ESRRG: variants seen among roughly 807,000 people sequenced by gnomAD.
The protein encoded by ESRRG is estrogen-related receptor gamma.
A neutral mutation model predicts 44.0 loss-of-function variants in ESRRG; 13 were observed. The ratio of observed to expected loss-of-function variants is 0.30; its 90% CI spans 0.19 to 0.47. ESRRG has a LOEUF of 0.47. Among genes scored for constraint, ESRRG ranks in the 20% least tolerant of loss-of-function variants. The pLI is 1.00. For synonymous variants in ESRRG, 215 were observed against 214.6 expected, an observed-to-expected ratio of 1.00 and a Z score of -0.02; for missense variants, 395 against 580.6, an observed-to-expected ratio of 0.68 and a Z score of 3.29.
intron 3 of ESRRG, among the ~76,000 whole-genome samples, chr1:216,610,165 C>T (rs1444197191): frequency 1.3e-5 from 2 of 150,226 alleles, no homozygotes; most frequent in Admixed American, 1.3e-4. Context: ...CTTTAAAAAA[C>T]ATTAGGTGAC....
intron 2 of ESRRG, among the ~76,000 whole-genome samples, chr1:216,786,088 G>C (rs2094118970): frequency 6.6e-6 from 1 of 152,024 alleles, no homozygotes; most frequent in Non-Finnish European, 1.5e-5. Context: ...TGTCTGGTGT[G>C]CTATTTCTTT....
chr1:216,702,459 A>G (rs1355770361), intron 1 of ESRRG, among the ~76,000 whole-genome samples: 2 of 152,028 alleles, frequency 1.3e-5, no homozygotes, highest in Non-Finnish European at 2.9e-5. Flanking sequence ...AGGATAAAGT[A>G]AGTTATTAGA....
chr1:217,021,016 G>A (rs1043979173), intron 1 of ESRRG, among the ~76,000 whole-genome samples: 1 of 148,476 alleles, frequency 6.7e-6, no homozygotes, highest in Non-Finnish European at 1.5e-5. Context: ...TTCATACTAG[G>A]AGAACCCCCC....
At chr1:216,527,739 C>A (rs1338204074) in intron 5 of ESRRG, among the ~76,000 whole-genome samples, 1 of 152,122 alleles carries the variant, frequency 6.6e-6, no homozygotes, top group East Asian at 1.9e-4. Context: ...CACTTCTTTC[C>A]ATTCTCATTG....
chr1:216,641,144 AG>A (rs1352214093), intron 3 of ESRRG, among the ~76,000 whole-genome samples: 1 of 152,228 alleles, frequency 6.6e-6, no homozygotes, highest in Non-Finnish European at 1.5e-5. Flanking sequence ...AGAAAGCTAA[AG>A]GAACTGTTTC....
intron 1 of ESRRG, chr1:217,000,561 T>G (rs548399376): frequency 6.6e-6 from 1 of 152,216 alleles, no homozygotes; most frequent in Non-Finnish European, 1.5e-5. Context: ...TTGTAAGGTA[T>G]AGGGAGGTGG....
chr1:217,115,563 C>T (rs2092714488), intron 1 of ESRRG, among the ~76,000 whole-genome samples: 2 of 152,076 alleles, frequency 1.3e-5, no homozygotes, highest in Non-Finnish European at 2.9e-5. Flanking sequence ...CAGGCATGCT[C>T]CTCCATTAGT....
At chr1:216,824,915 T>C (rs1362256331) in intron 2 of ESRRG, among the ~76,000 whole-genome samples, 1 of 152,230 alleles carries the variant, frequency 6.6e-6, no homozygotes, top group Non-Finnish European at 1.5e-5. Flanking sequence ...AACAATGTTT[T>C]AAAAACATAT....
At chr1:217,039,151 T>C (rs1297676733) in intron 1 of ESRRG, among the ~76,000 whole-genome samples, 1 of 152,186 alleles carries the variant, frequency 6.6e-6, no homozygotes, top group Non-Finnish European at 1.5e-5. Flanking sequence ...AGCATTTTTG[T>C]CAAAACCATT....
At chr1:217,110,701 T>A (rs556060317) in intron 1 of ESRRG, among the ~76,000 whole-genome samples, 1 of 152,066 alleles carries the variant, frequency 6.6e-6, no homozygotes. Flanking sequence ...TCACTCACTA[T>A]CATAGGATAG....
chr1:216,920,578 T>C (rs11572506), intron 2 of ESRRG, among the ~76,000 whole-genome samples: 8,446 of 152,300 alleles, frequency 0.055, 285 homozygotes, highest in Middle Eastern at 0.11. Flanking sequence ...TTGTTACTGA[T>C]GTACAAAGAA....
intron 2 of ESRRG, among the ~76,000 whole-genome samples, chr1:216,929,795 A>T (rs1440614584): frequency 2.0e-5 from 3 of 151,754 alleles, no homozygotes; most frequent in Non-Finnish European, 4.4e-5. Context: ...ATTGGACCAG[A>T]CCCCCCAGGT....
intron 1 of ESRRG, among the ~76,000 whole-genome samples, chr1:217,054,284 G>A (rs1414273356): frequency 6.6e-6 from 1 of 152,150 alleles, no homozygotes; most frequent in African/African-American, 2.4e-5. Context: ...TTCTTCTAAA[G>A]GTCATACTGG....
Position 217,020,400 on chromosome 1 carries a change from C to A in ESRRG, c.-106+69107G>T, listed in dbSNP as rs576246402. 3.9e-5 allele frequency among the ~76,000 whole-genome samples: 6 copies of A among 152,212 alleles called. No homozygotes were observed. In the South Asian group the frequency reaches 1.2e-3, roughly 32 times the overall value. On this transcript the variant is annotated intron_variant, in intron 1 of 7. Coordinates refer to the ESRRG transcript ENST00000359162. Reference sequence around the variant, plus strand: ...GCTTAACTGTAGGGATTATCTACCACAACATTTTACAATGAAGAAACTGAG... The same window carrying A: ...GCTTAACTGTAGGGATTATCTACCAAAACATTTTACAATGAAGAAACTGAG...
chr1:216,694,720 C>T (rs2079781712), intron 1 of ESRRG, among the ~76,000 whole-genome samples: 1 of 151,924 alleles, frequency 6.6e-6, no homozygotes, highest in African/African-American at 2.4e-5. Context: ...CCACACCTGG[C>T]TAATTTTTCT....
At chr1:216,667,425 C>T (rs1024637637) in intron 2 of ESRRG, among the ~76,000 whole-genome samples, 1 of 152,002 alleles carries the variant, frequency 6.6e-6, no homozygotes, top group African/African-American at 2.4e-5. Flanking sequence ...GTGGCTCATG[C>T]CTGTAATCCC....
chr1:216,507,291 A>G, intron 6 of ESRRG, 108 bp from the exon 7 acceptor site: 1 of 699,404 alleles, frequency 1.4e-6, no homozygotes, highest in Non-Finnish European at 2.2e-6. Flanking sequence ...AACTTCTCTG[A>G]GCTTGAACCT....
At chr1:216,597,015 T>C (rs1355270989) in intron 3 of ESRRG, among the ~76,000 whole-genome samples, 1 of 152,184 alleles carries the variant, frequency 6.6e-6, no homozygotes. Context: ...TGTTATCCTT[T>C]TTAAATGTTT....
intron 1 of ESRRG, among the ~76,000 whole-genome samples, chr1:216,949,286 G>A (rs2066574120): frequency 6.6e-6 from 1 of 152,132 alleles, no homozygotes; most frequent in African/African-American, 2.4e-5. Flanking sequence ...ACATGCAAAG[G>A]CACAGGTTTA....
Sources: gnomAD v4.1 joint callset for allele counts (sites outside exome capture counted in the v4.1 genomes callset) on GRCh38, gnomAD v4.1.1 for gene constraint, MANE v1.5 for transcripts, NCBI Gene and HGNC (gene_info 2026-07-23, HGNC 2026-07-21) for gene names.